The following RRBP1 variants were observed in gnomAD, a reference collection of about 807,000 sequenced individuals.
RRBP1 encodes ribosome binding protein 1.
A neutral mutation model predicts 165.2 loss-of-function variants in RRBP1; 94 were observed. The observed-to-expected ratio is 0.57, with a 90% confidence interval of 0.48 to 0.68. The LOEUF (loss-of-function observed/expected upper bound fraction) is 0.68, where lower values mean the gene tolerates loss of function less well. RRBP1 is among the 30% of genes least tolerant of loss of function. RRBP1 has a pLI of 0.00. For synonymous variants in RRBP1, 680 were observed against 714.5 expected, an observed-to-expected ratio of 0.95 and a Z score of 0.77; for missense variants, 1,676 against 1,763.0, an observed-to-expected ratio of 0.95 and a Z score of 0.88.
chr20:17,634,055 A>T (rs1304997756), intron 7 of RRBP1, among the ~76,000 whole-genome samples: 1 of 152,246 alleles, frequency 6.6e-6, no homozygotes, highest in African/African-American at 2.4e-5. Context: ...CCAAAGCCAG[A>T]GCCTGAGGTG....
chr20:17,657,724 T>C (rs969486225), intron 3 of RRBP1, among the ~76,000 whole-genome samples: 4 of 152,142 alleles, frequency 2.6e-5, no homozygotes, highest in African/African-American at 9.7e-5. Flanking sequence ...TAATATACAC[T>C]AAACAGATAA....
At chr20:17,637,314 G>T (rs1600744807) in intron 5 of RRBP1, among the ~76,000 whole-genome samples, 1 of 152,162 alleles carries the variant, frequency 6.6e-6, no homozygotes, top group Non-Finnish European at 1.5e-5. Context: ...AGTCTGGGGG[G>T]TCCGGCGTCT....
chr20:17,635,785 T>A, intron 6 of RRBP1, 121 bp from the exon 7 acceptor site: 1 of 767,034 alleles, frequency 1.3e-6, no homozygotes, highest in Non-Finnish European at 2.2e-6. Flanking sequence ...CTCCACCTTT[T>A]CCACGTGGAA....
chr20:17,678,287 C>A (rs1264158653), intron 2 of RRBP1, among the ~76,000 whole-genome samples: 1 of 152,216 alleles, frequency 6.6e-6, no homozygotes, highest in Non-Finnish European at 1.5e-5. Flanking sequence ...CCCTTACAAG[C>A]CATCACTTTC....
chr20:17,619,729 C>T lies in RRBP1; in HGVS notation c.3580-1G>A. On this transcript the variant is annotated splice_acceptor_variant, in intron 18 of 24. Coordinates refer to ENST00000377813, the MANE Select transcript of RRBP1 (RefSeq NM_001365613.2). LOFTEE classifies it high-confidence loss of function. ...CCAAATGCGACGTGTGCTCCCTCAC[C>T]TGGACAGATGCACAGACACGCACAC... is the stretch of plus-strand genomic sequence containing the variant. 1 of 1,608,396 alleles carries T rather than the reference C, an allele frequency of 6.2e-7. No individual in the cohort carries two copies. Among genetic ancestry groups the T allele is most frequent in the Non-Finnish European group, 8.5e-7 (1 of 1,176,866 alleles).
rs1018099541 is a variant in RRBP1 at position 17,682,208 on chromosome 20, G to C, written c.-279C>G. ...TGCCGTCCGCTCCGGCCGCTCGCTGGCTGCGTGCGCGCGTGTGGAGTCGTG... is the reference window on the plus strand; with the variant it reads ...TGCCGTCCGCTCCGGCCGCTCGCTGCCTGCGTGCGCGCGTGTGGAGTCGTG... On this transcript the variant is annotated 5_prime_UTR_variant, in exon 1 of 25. Transcript: ENST00000377813. 3 of 152,428 alleles carry C rather than the reference G, an allele frequency of 2.0e-5. No homozygotes were observed. The highest frequency in any genetic ancestry group is 2.1e-4 in the South Asian group (1 of 4,836). The allele number at this position is 152,428 out of a possible 1,614,324, so 9.4% of individuals were successfully genotyped here.
chr20:17,680,796 A>AC (rs1449163124), intron 1 of RRBP1, among the ~76,000 whole-genome samples: 1 of 151,418 alleles, frequency 6.6e-6, no homozygotes, highest in East Asian at 2.0e-4. Context: ...CGTGTCCAGC[A>AC]CCCCCCAACA....
At chr20:17,647,624 A>G (rs1219545219) in intron 3 of RRBP1, among the ~76,000 whole-genome samples, 1 of 152,194 alleles carries the variant, frequency 6.6e-6, no homozygotes, top group Non-Finnish European at 1.5e-5. Flanking sequence ...TCTGGGCCCG[A>G]GTATTCAGGA....
At position 17,624,548 on chromosome 20, in the gene RRBP1, G is replaced by A. The variant is rs775345218; in HGVS notation, c.3147+28C>T. The A allele has an allele frequency of 3.4e-6, 5 of 1,465,850 alleles. No homozygotes were observed. In the Admixed American group the frequency reaches 9.4e-5, roughly 27 times the overall value. The allele number at this position is 1,465,850 out of a possible 1,614,324, so 90.8% of individuals were successfully genotyped here. A position where few individuals can be genotyped will look rare whatever the true frequency, so the allele number is the denominator to read the frequency against. ...TGCATCCTAGTGCACTTTCCATGGT[G>A]GGGGTGTGAGTGTGGTCGGGCTCTG... On this transcript the variant is annotated intron_variant, in intron 13 of 24. Coordinates refer to ENST00000377813, the MANE Select transcript of RRBP1 (RefSeq NM_001365613.2).
At chr20:17,642,622 G>A (rs755153126) in intron 4 of RRBP1, among the ~76,000 whole-genome samples, 7 of 152,142 alleles carry the variant, frequency 4.6e-5, no homozygotes, top group South Asian at 2.1e-4. Context: ...GCAGCACGAC[G>A]GAAACCAGGG....
intron 13 of RRBP1, among the ~76,000 whole-genome samples, chr20:17,622,242 C>G (rs11087217): frequency 0.23 from 35,471 of 152,064 alleles, 4,477 homozygotes; most frequent in East Asian, 0.49. Context: ...CCAGCAGGGA[C>G]AGTCTCCACC....
At chr20:17,634,565 G>A (rs73898388) in intron 7 of RRBP1, among the ~76,000 whole-genome samples, 2,663 of 152,306 alleles carry the variant, frequency 0.017, 71 homozygotes, top group African/African-American at 0.061. Flanking sequence ...AACACATCCC[G>A]CTGCTGAGAG....
chr20:17,636,802 C>T (rs2036257082), intron 5 of RRBP1, 73 bp from the exon 6 acceptor site: 3 of 1,577,154 alleles, frequency 1.9e-6, no homozygotes, highest in Non-Finnish European at 2.6e-6. Context: ...GGAGCAAGAG[C>T]ATCACCCGAG....
At chr20:17,681,293 G>GCCCC (rs2037180191) in intron 1 of RRBP1, among the ~76,000 whole-genome samples, 1 of 147,610 alleles carries the variant, frequency 6.8e-6, no homozygotes, top group Non-Finnish European at 1.5e-5. Flanking sequence ...CGGTGGCCCC[G>GCCCC]GCCCCGCCGC....
chr20:17,629,699 G>C, intron 9 of RRBP1, 124 bp downstream of exon 9: 1 of 1,000,812 alleles, frequency 1.0e-6, no homozygotes, highest in Non-Finnish European at 1.5e-6. Context: ...GCAGTCAAGG[G>C]ATCCGTGCTG....
At chr20:17,641,597 A>G (rs2122359886) in intron 5 of RRBP1, 200 bp downstream of exon 5, 2 of 641,588 alleles carry the variant, frequency 3.1e-6, no homozygotes, top group Admixed American at 2.7e-5. Flanking sequence ...CCGTAGAGCC[A>G]CGAGCACTGC....
intron 8 of RRBP1, among the ~76,000 whole-genome samples, chr20:17,631,995 C>A (rs2036159380): frequency 6.6e-6 from 1 of 152,226 alleles, no homozygotes. Context: ...CTGATCTAGT[C>A]CTAGGCACTC....
At position 17,643,645 on chromosome 20, in the gene RRBP1, G is replaced by C. The variant is rs1264974365; in HGVS notation, c.1913-518C>G. ...CTCCTGCAGCCACAGGAGGAGCACA[G>C]AAGGCAAGGAGAGGCTGCTTCCACA... On this transcript the variant is annotated intron_variant, in intron 3 of 24. Transcript: ENST00000377813. This position sits in a 1 kb window ranked among gnomAD's most constrained non-coding sequence, Gnocchi z 4.3. Among the ~76,000 whole-genome samples, 1 of 152,138 alleles carries C rather than the reference G, an allele frequency of 6.6e-6. No individual in the cohort carries two copies. Among genetic ancestry groups the C allele is most frequent in the African/African-American group, 2.4e-5 (1 of 41,434 alleles).
chr20:17,624,475 C>A, intron 13 of RRBP1, 101 bp downstream of exon 13: 1 of 786,364 alleles, frequency 1.3e-6, no homozygotes, highest in South Asian at 1.5e-5. Context: ...ATCTGTGCGT[C>A]CTAGAGCATC....
Sources: gnomAD v4.1 joint callset for allele counts (sites outside exome capture counted in the v4.1 genomes callset) on GRCh38, gnomAD v4.1.1 for gene constraint, Gnocchi (gnomAD v3.1) non-coding constraint, MANE v1.5 for transcripts, NCBI Gene and HGNC (gene_info 2026-07-23, HGNC 2026-07-21) for gene names.